The following PRKG1 variants were observed in gnomAD, a reference collection of about 807,000 sequenced individuals.
PRKG1 encodes cGMP-dependent protein kinase 1.
A neutral mutation model predicts 88.1 loss-of-function variants in PRKG1; 35 were observed. The observed-to-expected ratio is 0.40, with a 90% CI of 0.30 to 0.53. The LOEUF is 0.53. PRKG1 is among the 20% of genes least tolerant of loss of function. The pLI, the probability that PRKG1 is intolerant of heterozygous loss-of-function variation, is 0.59. For synonymous variants in PRKG1, 303 were observed against 292.5 expected (o/e 1.04, Z -0.37); for missense variants, 540 against 839.8 (o/e 0.64, Z 4.41).
At chr10:51,859,805 A>G (rs1156500912) in intron 4 of PRKG1, among the ~76,000 whole-genome samples, 2 of 152,046 alleles carry the variant, frequency 1.3e-5, no homozygotes, top group Non-Finnish European at 2.9e-5. Context: ...ATTCCACACT[A>G]GTTTGCTTGA....
chr10:52,205,087 C>T (rs1295032912), intron 9 of PRKG1, among the ~76,000 whole-genome samples: 1 of 152,084 alleles, frequency 6.6e-6, no homozygotes, highest in Non-Finnish European at 1.5e-5. Flanking sequence ...TCCTGCAGCG[C>T]CCCCAGGTTT....
intron 3 of PRKG1, among the ~76,000 whole-genome samples, chr10:51,591,589 G>C (rs911770413): frequency 1.3e-5 from 2 of 152,164 alleles, no homozygotes; most frequent in Admixed American, 6.5e-5. Flanking sequence ...ACAAGATACA[G>C]TTGGCACCCA....
intron 10 of PRKG1, among the ~76,000 whole-genome samples, chr10:52,258,980 A>G (rs73346999): frequency 0.013 from 2,031 of 152,138 alleles, 44 homozygotes; most frequent in African/African-American, 0.046. Context: ...GGGTTACAAC[A>G]TAAAAGGCCA....
At chr10:51,942,860 G>A (rs1459552649) in intron 5 of PRKG1, among the ~76,000 whole-genome samples, 1 of 150,592 alleles carries the variant, frequency 6.6e-6, no homozygotes, top group Non-Finnish European at 1.5e-5. Flanking sequence ...CTGTAGCCTT[G>A]TAGTATAGTT....
At chr10:52,037,044 C>T (rs543013076) in intron 5 of PRKG1, among the ~76,000 whole-genome samples, 286 of 151,280 alleles carry the variant, frequency 1.9e-3, no homozygotes, top group African/African-American at 6.4e-3. Context: ...GCCGCTAAGC[C>T]GAGAAGATCT....
chr10:52,249,870 G>A (rs1236966727), intron 9 of PRKG1, among the ~76,000 whole-genome samples: 2 of 151,966 alleles, frequency 1.3e-5, no homozygotes, highest in South Asian at 2.1e-4. Flanking sequence ...AAAAAAACAA[G>A]TTTCACCCTG....
chr10:52,101,236 G>T (rs1265909477), intron 7 of PRKG1, among the ~76,000 whole-genome samples: 4 of 152,002 alleles, frequency 2.6e-5, no homozygotes. Context: ...AGCTTTCAAA[G>T]GCCACTGATA....
chr10:51,446,576 A>G (rs1839278193), intron 2 of PRKG1, among the ~76,000 whole-genome samples: 2 of 152,064 alleles, frequency 1.3e-5, no homozygotes, highest in Admixed American at 6.6e-5. Context: ...ATTTAAGAAT[A>G]TAAAGTTTTC....
intron 5 of PRKG1, among the ~76,000 whole-genome samples, chr10:52,047,995 G>A (rs1285720269): frequency 1.3e-5 from 2 of 152,008 alleles, no homozygotes; most frequent in African/African-American, 4.8e-5. Context: ...AGATGTACAT[G>A]AGATATACAT....
At chr10:51,905,578 G>C (rs956488446) in intron 4 of PRKG1, among the ~76,000 whole-genome samples, 1 of 152,026 alleles carries the variant, frequency 6.6e-6, no homozygotes, top group Non-Finnish European at 1.5e-5. Context: ...TGAGGTTTCA[G>C]GAATTATATG....
In PRKG1 at chr10:52,297,096, G is replaced by A. The variant is rs551399694; in HGVS notation, c.*3196G>A. ...TGATCTGTGCATTATCCATAACAAC[G>A]TTTTCTTTCACTATAGGACCACAGA... On this transcript the variant is annotated 3_prime_UTR_variant, in exon 18 of 18. Transcript: ENST00000373980. 5.9e-5 allele frequency: 9 copies of A among 152,040 alleles called. No individual in the cohort carries two copies. Among genetic ancestry groups the A allele is most frequent in the African/African-American group, 7.2e-5 (3 of 41,492 alleles). 9.4% of individuals were successfully genotyped at this position (152,040 alleles called of 1,614,324 possible). A position where few individuals can be genotyped will look rare whatever the true frequency, so the allele number is the denominator to read the frequency against.
intron 2 of PRKG1, among the ~76,000 whole-genome samples, chr10:51,349,488 G>A (rs1270645146): frequency 6.7e-6 from 1 of 149,204 alleles, no homozygotes; most frequent in East Asian, 2.0e-4. Context: ...GTGTGTATGT[G>A]TGTGTGTATG....
At chr10:51,698,229 A>T in intron 3 of PRKG1, 1 of 1,614,074 alleles carries the variant, frequency 6.2e-7, no homozygotes, top group Non-Finnish European at 8.5e-7. Flanking sequence ...TCCATCGCAC[A>T]GGTCTCCATT....
At chr10:51,743,076 G>T (rs1837476115) in intron 3 of PRKG1, among the ~76,000 whole-genome samples, 2 of 151,810 alleles carry the variant, frequency 1.3e-5, no homozygotes, top group South Asian at 4.2e-4. Flanking sequence ...GAGAAAGGAA[G>T]GATACACAGA....
At chr10:51,647,820 C>G (rs1839951140) in intron 3 of PRKG1, among the ~76,000 whole-genome samples, 1 of 152,002 alleles carries the variant, frequency 6.6e-6, no homozygotes, top group African/African-American at 2.4e-5. Flanking sequence ...ATTATAAAAC[C>G]ACCTAATGGT....
At chr10:52,154,967 T>TA (rs1379514085) in intron 8 of PRKG1, among the ~76,000 whole-genome samples, 1 of 152,208 alleles carries the variant, frequency 6.6e-6, no homozygotes, top group Non-Finnish European at 1.5e-5. Flanking sequence ...GTAAATGTCA[T>TA]TATTTCATTT....
chr10:51,154,785 C>A (rs999334680), intron 2 of PRKG1, among the ~76,000 whole-genome samples: 1 of 151,736 alleles, frequency 6.6e-6, no homozygotes, highest in Admixed American at 6.6e-5. Flanking sequence ...GGTGACAAAA[C>A]ACAATAAACA....
chr10:52,073,266 G>A (rs1046837496), intron 7 of PRKG1, among the ~76,000 whole-genome samples: 2 of 152,150 alleles, frequency 1.3e-5, no homozygotes, highest in African/African-American at 4.8e-5. Flanking sequence ...GATCATATCT[G>A]GAAGACCTTA....
chr10:51,990,298 T>C (rs770331559), intron 5 of PRKG1, among the ~76,000 whole-genome samples: 2 of 152,130 alleles, frequency 1.3e-5, no homozygotes, highest in African/African-American at 2.4e-5. Context: ...TGCCCAAGAT[T>C]GCTTTGGCTA....
Sources: allele counts gnomAD v4.1 joint callset (sites outside exome capture counted in the v4.1 genomes callset), GRCh38; gene constraint gnomAD v4.1.1; transcripts MANE v1.5; gene names NCBI Gene and HGNC (gene_info 2026-07-23, HGNC 2026-07-21).